C1QTNF3: variants seen among roughly 807,000 people sequenced by gnomAD.
The protein encoded by C1QTNF3 is complement C1q tumor necrosis factor-related protein 3.
C1QTNF3 carries 26 observed loss-of-function variants against 32.6 expected under a neutral mutation model. The ratio of observed to expected loss-of-function variants is 0.80; its 90% CI spans 0.58 to 1.11. The LOEUF (loss-of-function observed/expected upper bound fraction) is 1.11. Among genes scored for constraint, C1QTNF3 ranks in the 50% least tolerant of loss-of-function variants. The pLI is 0.00. For synonymous variants in C1QTNF3, 155 were observed against 146.0 expected, an observed-to-expected ratio of 1.06 and a Z score of -0.44; for missense variants, 362 against 398.2, an observed-to-expected ratio of 0.91 and a Z score of 0.77.
At chr5:34,057,796 C>T in the C1QTNF3 span, among the ~76,000 whole-genome samples, 2 of 152,152 alleles carry the variant, frequency 1.3e-5, no homozygotes, top group Non-Finnish European at 2.9e-5. Flanking sequence ...GGTAATGAGG[C>T]GTCCTGGTCT....
At chr5:34,140,830 C>T in the C1QTNF3 span, among the ~76,000 whole-genome samples, 80,591 of 152,060 alleles carry the variant, frequency 0.53, 22,673 homozygotes, top group Non-Finnish European at 0.62. Context: ...TTTGTAGCAC[C>T]CTAATAATGT....
At chr5:34,109,536 C>T in the C1QTNF3 span, among the ~76,000 whole-genome samples, 2 of 151,658 alleles carry the variant, frequency 1.3e-5, no homozygotes, top group Non-Finnish European at 2.9e-5. Context: ...AAGATATGGG[C>T]AAAGTTCTGT....
At chr5:34,170,524 C>T in the C1QTNF3 span, among the ~76,000 whole-genome samples, 1 of 151,978 alleles carries the variant, frequency 6.6e-6, no homozygotes, top group Non-Finnish European at 1.5e-5. Flanking sequence ...AGTGTGGTGA[C>T]AGTATCGGGG....
chr5:34,186,934 G>A, the C1QTNF3 span, among the ~76,000 whole-genome samples: 1 of 152,314 alleles, frequency 6.6e-6, no homozygotes, highest in African/African-American at 2.4e-5. Context: ...TAGCAATCAA[G>A]CCAGAAGTCA....
chr5:34,102,476 T>A, the C1QTNF3 span, among the ~76,000 whole-genome samples: 2 of 152,168 alleles, frequency 1.3e-5, no homozygotes, highest in African/African-American at 4.8e-5. Flanking sequence ...AAAATTGTTA[T>A]GATCCCTATT....
the C1QTNF3 span, among the ~76,000 whole-genome samples, chr5:34,154,580 T>A: frequency 5.9e-5 from 9 of 152,310 alleles, 1 homozygote; most frequent in Admixed American, 5.9e-4. Context: ...TGAGAACTAG[T>A]TTTCAGTCAA....
At chr5:34,224,936 G>A in the C1QTNF3 span, among the ~76,000 whole-genome samples, 49 of 152,032 alleles carry the variant, frequency 3.2e-4, no homozygotes, top group African/African-American at 1.2e-3. Context: ...AATCTACAAT[G>A]AACTCAAACA....
chr5:34,079,061 A>G, the C1QTNF3 span, among the ~76,000 whole-genome samples: 2 of 151,616 alleles, frequency 1.3e-5, no homozygotes, highest in African/African-American at 4.9e-5. Flanking sequence ...AAACTTCCTC[A>G]GCCTTGGAGA....
chr5:34,063,758 C>A, the C1QTNF3 span, among the ~76,000 whole-genome samples: 2 of 152,114 alleles, frequency 1.3e-5, no homozygotes, highest in Non-Finnish European at 2.9e-5. Flanking sequence ...CCTTAGATCC[C>A]TTTGGAGATA....
At chr5:34,105,484 T>C in the C1QTNF3 span, among the ~76,000 whole-genome samples, 1 of 151,898 alleles carries the variant, frequency 6.6e-6, no homozygotes, top group Non-Finnish European at 1.5e-5. Context: ...AACTAATCTG[T>C]ATGTATTTCT....
At chr5:34,203,555 C>T in the C1QTNF3 span, among the ~76,000 whole-genome samples, 4 of 151,184 alleles carry the variant, frequency 2.6e-5, no homozygotes, top group East Asian at 5.9e-4. Context: ...GCGTGGTGGC[C>T]GGCACCTGTA....
chr5:34,018,855 G>A lies in C1QTNF3; in HGVS notation c.*1728C>T, dbSNP rs938089857. On this transcript the variant is annotated 3_prime_UTR_variant, in exon 6 of 6. Transcript: ENST00000382065. ...AGATTTAGAATTTGCGGCTGGGTGC[G>A]GGGGCTCACGCCTGTAATCCCAGCA... Among the ~76,000 whole-genome samples the A allele has an allele frequency of 6.6e-5, 10 of 152,158 alleles. No homozygotes were observed. The highest frequency in any genetic ancestry group is 1.4e-4 in the African/African-American group (6 of 41,434).
At chr5:34,071,570 G>A in the C1QTNF3 span, among the ~76,000 whole-genome samples, 2 of 152,102 alleles carry the variant, frequency 1.3e-5, no homozygotes, top group South Asian at 4.2e-4. Flanking sequence ...TTCGTACAAT[G>A]TACAGCCATT....
chr5:34,157,565 T>C, the C1QTNF3 span, among the ~76,000 whole-genome samples: 1 of 152,208 alleles, frequency 6.6e-6, no homozygotes, highest in African/African-American at 2.4e-5. Flanking sequence ...GTTATTCTGT[T>C]TGGCATATAG....
At chr5:34,140,378 A>T in the C1QTNF3 span, among the ~76,000 whole-genome samples, 1 of 152,172 alleles carries the variant, frequency 6.6e-6, no homozygotes, top group African/African-American at 2.4e-5. Context: ...GAGTTCTTAG[A>T]GAGGAAAGGA....
At chr5:34,153,853 T>TA in the C1QTNF3 span, among the ~76,000 whole-genome samples, 1,781 of 32,828 alleles carry the variant, frequency 0.054, 18 homozygotes, top group African/African-American at 0.077. Context: ...ACTTAGAGTA[T>TA]AAAAAAAAAA....
the C1QTNF3 span, among the ~76,000 whole-genome samples, chr5:34,147,776 C>T: frequency 6.6e-6 from 1 of 152,142 alleles, no homozygotes. Context: ...ACAACAGATT[C>T]GTGTAACAGA....
the C1QTNF3 span, among the ~76,000 whole-genome samples, chr5:34,054,388 A>G: frequency 6.6e-6 from 1 of 152,212 alleles, no homozygotes; most frequent in African/African-American, 2.4e-5. Context: ...AGGGGCCAGT[A>G]GACTTTTCTG....
chr5:34,237,669 C>T, the C1QTNF3 span, among the ~76,000 whole-genome samples: 3 of 152,014 alleles, frequency 2.0e-5, no homozygotes, highest in African/African-American at 7.3e-5. Flanking sequence ...AGAGAAAATG[C>T]TGAGTGGATG....
Sources: allele counts gnomAD v4.1 joint callset (sites outside exome capture counted in the v4.1 genomes callset), GRCh38; gene constraint gnomAD v4.1.1; transcripts MANE v1.5; gene names NCBI Gene and HGNC (gene_info 2026-07-23, HGNC 2026-07-21).